Variants in HERC3 observed in about 807,000 individuals in gnomAD.
HERC3 encodes the protein HECT and RLD domain containing E3 ubiquitin protein ligase 3, also known as probable E3 ubiquitin-protein ligase HERC3.
A neutral mutation model predicts 129.9 loss-of-function variants in HERC3; 58 were observed. The observed-to-expected ratio is 0.45, with a 90% CI of 0.36 to 0.56. The LOEUF (loss-of-function observed/expected upper bound fraction) is 0.56, where lower values mean the gene tolerates loss of function less well. Ranked by LOEUF, HERC3 falls within the 20% of genes least tolerant of loss-of-function variation. The pLI is 0.00. For synonymous variants in HERC3, 430 were observed against 451.0 expected (o/e 0.95, Z 0.59); for missense variants, 835 against 1,244.2 (o/e 0.67, Z 4.95).
In HERC3 at chr4:88,652,040, A is replaced by G; in HGVS notation, c.415A>G (p.Ile139Val). 1 of 1,614,024 alleles carries G rather than the reference A, an allele frequency of 6.2e-7. No homozygotes were observed. Among genetic ancestry groups the G allele is most frequent in the East Asian group, 2.2e-5 (1 of 44,884 alleles). ...RLIQKLNQQTILQVSCGNWHC... is the reference protein window; with the variant it reads ...RLIQKLNQQTVLQVSCGNWHC... Reference sequence around the variant, plus strand: ...AATACAAAAGCTGAACCAGCAAACAATATTACAAGTTTCCTGTGGCAACTG... The same window carrying G: ...AATACAAAAGCTGAACCAGCAAACAGTATTACAAGTTTCCTGTGGCAACTG... Residue 139 changes from isoleucine (I) to valine (V), a missense_variant, in exon 5 of 26, where the codon ATA (isoleucine) becomes GTA (valine). By Grantham distance (29) the Ile-to-Val change is conservative (BLOSUM62 3). Coordinates refer to ENST00000402738, the MANE Select transcript of HERC3 (RefSeq NM_014606.3).
At chr4:88,672,737 G>T (rs1242909912) in intron 16 of HERC3, among the ~76,000 whole-genome samples, 1 of 152,194 alleles carries the variant, frequency 6.6e-6, no homozygotes, top group African/African-American at 2.4e-5. Context: ...TTGTGAGTAA[G>T]AATTATAACA....
At chr4:88,675,603 T>C (rs1200984140) in intron 16 of HERC3, among the ~76,000 whole-genome samples, 1 of 151,978 alleles carries the variant, frequency 6.6e-6, no homozygotes, top group Non-Finnish European at 1.5e-5. Context: ...ATGTCCTTCA[T>C]TGTGGTTGTG....
At chr4:88,604,168 C>A (rs552320227) in intron 2 of HERC3, among the ~76,000 whole-genome samples, 1 of 152,072 alleles carries the variant, frequency 6.6e-6, no homozygotes, top group Non-Finnish European at 1.5e-5. Flanking sequence ...TACAGGCATG[C>A]GCCACCGCGC....
intron 8 of HERC3, among the ~76,000 whole-genome samples, 164 bp downstream of exon 8, chr4:88,655,468 G>T (rs113526165): frequency 0.016 from 2,416 of 152,300 alleles, 57 homozygotes; most frequent in African/African-American, 0.055. Flanking sequence ...ATAGAGTGTG[G>T]CAAGGAAGGG....
chr4:88,672,888 G>A (rs1384338087), intron 16 of HERC3, among the ~76,000 whole-genome samples: 1 of 152,292 alleles, frequency 6.6e-6, no homozygotes, highest in East Asian at 1.9e-4. Context: ...TAGTCACAGT[G>A]GAAACATGTA....
intron 10 of HERC3, among the ~76,000 whole-genome samples, chr4:88,660,031 A>C (rs1322707853): frequency 2.6e-5 from 4 of 152,200 alleles, no homozygotes; most frequent in African/African-American, 7.2e-5. Flanking sequence ...AAGGAAAGTA[A>C]ACATTACTTA....
chr4:88,662,170 A>G (rs1009234957), intron 10 of HERC3, among the ~76,000 whole-genome samples: 14 of 152,156 alleles, frequency 9.2e-5, no homozygotes, highest in Non-Finnish European at 8.8e-5. Context: ...AGTTGAGGCA[A>G]GCGGGCTGGA....
At chr4:88,550,263 A>G in the HERC3 span, among the ~76,000 whole-genome samples, 1 of 152,146 alleles carries the variant, frequency 6.6e-6, no homozygotes, top group Non-Finnish European at 1.5e-5. Context: ...TATTCAACAT[A>G]GTGTTGGAAG....
At chr4:88,591,798 A>G (rs1721724444), upstream of HERC3, among the ~76,000 whole-genome samples, 1 of 152,146 alleles carries the variant, frequency 6.6e-6, no homozygotes, top group Non-Finnish European at 1.5e-5. Flanking sequence ...TGTCTTTCAG[A>G]TTACAAGATT....
intron 1 of HERC3, among the ~76,000 whole-genome samples, chr4:88,594,144 C>A (rs1437281222): frequency 6.6e-6 from 1 of 152,274 alleles, no homozygotes; most frequent in East Asian, 1.9e-4. Flanking sequence ...CTGGAGTTTA[C>A]TTTTTGAAAA....
chr4:88,597,609 CT>C (rs1332773647), intron 2 of HERC3, among the ~76,000 whole-genome samples: 4 of 152,150 alleles, frequency 2.6e-5, no homozygotes, highest in Non-Finnish European at 5.9e-5. Flanking sequence ...TATTGTTAGA[CT>C]TTTCAATTCT....
chr4:88,693,113 G>T, intron 23 of HERC3: 1 of 984,998 alleles, frequency 1.0e-6, no homozygotes, highest in South Asian at 4.7e-5. Context: ...GCCATGGTTT[G>T]CTATGTGAAT....
At chr4:88,610,643 C>T (rs553892409) in intron 3 of HERC3, among the ~76,000 whole-genome samples, 3 of 152,282 alleles carry the variant, frequency 2.0e-5, no homozygotes, top group Admixed American at 2.0e-4. Flanking sequence ...TTCTATCAGG[C>T]AGCCTCACTG....
Position 88,651,976 on chromosome 4 carries a change from A to G in HERC3, c.387-36A>G, listed in dbSNP as rs766207290. 2.3e-6 allele frequency: 3 copies of G among 1,308,710 alleles called. No individual in the cohort carries two copies. In the African/African-American group the frequency reaches 4.4e-5, roughly 19 times the overall value. The allele number at this position is 1,308,710 out of a possible 1,614,324, so 81.1% of individuals were successfully genotyped here. A position where few individuals can be genotyped will look rare whatever the true frequency, so the allele number is the denominator to read the frequency against. The stretch of plus-strand genomic sequence containing the variant: ...TTCTGATAATTGTGTTTGTGTGTGA[A>G]TATCTATCTGAAAAAGAAAGCCTTT... On this transcript the variant is annotated intron_variant, in intron 4 of 25. Transcript: ENST00000402738.
rs1450792272 is a variant in HERC3 at position 88,708,504 on chromosome 4, AATAT to A, written c.*1545_*1548del. 2.0e-5 allele frequency: 3 copies of A among 152,642 alleles called. No individual in the cohort carries two copies. Among genetic ancestry groups the A allele is most frequent in the African/African-American group, 7.2e-5 (3 of 41,448 alleles). 9.5% of individuals were successfully genotyped at this position (152,642 alleles called of 1,614,324 possible). ...TTTTCTATGTGTGTGCATATAGTTC[AATAT>A]TATGCAATAAATTTGGTGTTTTAAC... is the stretch of plus-strand genomic sequence containing the variant. On this transcript the variant is annotated 3_prime_UTR_variant, in exon 26 of 26. Coordinates refer to ENST00000402738, the MANE Select transcript of HERC3 (RefSeq NM_014606.3).
intron 23 of HERC3, chr4:88,693,407 C>T (rs1734271405): frequency 1.0e-6 from 1 of 972,918 alleles, no homozygotes; most frequent in Non-Finnish European, 1.2e-6. Context: ...ACCATTTCAT[C>T]CAGTCCTTAG....
chr4:88,701,953 C>T (rs996882774), intron 23 of HERC3, among the ~76,000 whole-genome samples: 1 of 152,058 alleles, frequency 6.6e-6, no homozygotes, highest in African/African-American at 2.4e-5. Context: ...CAGGCATGCA[C>T]CACCAGGCCT....
the HERC3 span, among the ~76,000 whole-genome samples, chr4:88,552,064 C>T: frequency 1.4e-5 from 2 of 142,524 alleles, no homozygotes; most frequent in Non-Finnish European, 3.0e-5. Context: ...TGTTCTCACT[C>T]ATAGATGGGA....
intron 22 of HERC3, among the ~76,000 whole-genome samples, 161 bp downstream of exon 22, chr4:88,686,963 T>C (rs189229289): frequency 6.6e-6 from 1 of 152,360 alleles, no homozygotes; most frequent in Admixed American, 6.5e-5. Context: ...AGGGGTTCAG[T>C]GGGCGTGTTG....
Sources: allele counts gnomAD v4.1 joint callset (sites outside exome capture counted in the v4.1 genomes callset), GRCh38; gene constraint gnomAD v4.1.1; transcripts MANE v1.5; gene names NCBI Gene and HGNC (gene_info 2026-07-23, HGNC 2026-07-21).